HADHA: variants seen among roughly 807,000 people sequenced by gnomAD.
The protein encoded by HADHA is trifunctional enzyme subunit alpha, mitochondrial.
A neutral mutation model predicts 91.3 loss-of-function variants in HADHA; 59 were observed. The observed-to-expected ratio is 0.65, with a 90% CI of 0.52 to 0.80. HADHA has a LOEUF of 0.80. HADHA is among the 30% of genes least tolerant of loss of function. HADHA has a pLI of 0.00. For synonymous variants in HADHA, 320 were observed against 338.9 expected (o/e 0.94, Z 0.61); for missense variants, 800 against 927.6 (o/e 0.86, Z 1.79).
Position 26,237,113 on chromosome 2 carries a change from G to A in HADHA, c.181-125C>T. Reference sequence around the variant, plus strand: ...CCGGCAGAAATATACTGTTAGAAGAGAGTAAGAAATATCATTCTCCCAGCA... The same window carrying A: ...CCGGCAGAAATATACTGTTAGAAGAAAGTAAGAAATATCATTCTCCCAGCA... On this transcript the variant is annotated intron_variant, in intron 3 of 19. Coordinates refer to ENST00000380649, the MANE Select transcript of HADHA (RefSeq NM_000182.5). 3.8e-6 allele frequency: 3 copies of A among 797,006 alleles called. No homozygotes were observed. The South Asian group carries it at 4.1e-5, about 11-fold the overall frequency. The allele number at this position is 797,006 out of a possible 1,614,324, so 49.4% of individuals were successfully genotyped here.
chr2:26,204,438 C>G (rs1263855157), intron 11 of HADHA, among the ~76,000 whole-genome samples: 1 of 152,206 alleles, frequency 6.6e-6, no homozygotes, highest in Non-Finnish European at 1.5e-5. Context: ...TACTAATCTT[C>G]AATCATGCTT....
intron 7 of HADHA, among the ~76,000 whole-genome samples, chr2:26,219,689 C>A (rs1670328358): frequency 6.6e-6 from 1 of 152,166 alleles, no homozygotes; most frequent in South Asian, 2.1e-4. Context: ...AGTAGCAGCA[C>A]CATGCCAAAT....
Position 26,230,224 on chromosome 2 carries a change from AT to A in HADHA, c.643del (p.Met215TrpfsTer15). ...RSIRADRAKK[M>X]GLVDQLVEPL... ...TTCCACCAGTTGGTCAACCAGTCCC[AT>A]TTTCTTTGCCCTGTCTGCACGAATG... On this transcript the variant is annotated frameshift_variant, in exon 7 of 20. Coordinates refer to ENST00000380649, the MANE Select transcript of HADHA (RefSeq NM_000182.5). LOFTEE classifies it high-confidence loss of function. 6.2e-7 allele frequency: 1 copy of A among 1,613,136 alleles called. No homozygotes were observed. Among genetic ancestry groups the A allele is most frequent in the Non-Finnish European group, 8.5e-7 (1 of 1,179,158 alleles).
Position 26,214,380 on chromosome 2 carries a change from G to A in HADHA, c.918+63C>T. 3.6e-6 allele frequency: 3 copies of A among 832,826 alleles called. No homozygotes were observed. Among genetic ancestry groups the A allele is most frequent in the Non-Finnish European group, 6.4e-6 (3 of 467,752 alleles). 51.6% of individuals were successfully genotyped at this position (832,826 alleles called of 1,614,324 possible). A position where few individuals can be genotyped will look rare whatever the true frequency, so the allele number is the denominator to read the frequency against. On this transcript the variant is annotated intron_variant, in intron 9 of 19. Transcript: ENST00000380649. This position sits in a 1 kb window ranked among gnomAD's most constrained non-coding sequence, Gnocchi z 4.1. ...CATACATGGTCCAGAATGGCAATAA[G>A]GAGGAGTGATCTATATAAAGGAAGG...
chr2:26,232,603 G>A (rs1382021883), intron 5 of HADHA, among the ~76,000 whole-genome samples: 9 of 152,114 alleles, frequency 5.9e-5, no homozygotes, highest in Non-Finnish European at 1.2e-4. Flanking sequence ...AATCAAGCAC[G>A]TCTACTTACA....
At chr2:26,216,337 T>TC (rs1670219565) in intron 7 of HADHA, among the ~76,000 whole-genome samples, 1 of 149,874 alleles carries the variant, frequency 6.7e-6, no homozygotes, top group Non-Finnish European at 1.5e-5. Context: ...TTTTTTTTTT[T>TC]TGAGATGGAG....
chr2:26,224,155 TC>T (rs1237477379), intron 7 of HADHA, among the ~76,000 whole-genome samples: 1 of 152,226 alleles, frequency 6.6e-6, no homozygotes, highest in East Asian at 1.9e-4. Context: ...CAGTGAGATG[TC>T]CCCCACTTGT....
In HADHA at chr2:26,192,219, T is replaced by TA. The variant is rs34898931; in HGVS notation, c.2000+90dup. On this transcript the variant is annotated intron_variant, in intron 18 of 19. Transcript: ENST00000380649. Reference sequence around the variant, plus strand: ...ACATGTATCCCAGGACTTAAAGTATTAAAAAAAAAAAAAAATGGAAGAGGG... The same window carrying TA: ...ACATGTATCCCAGGACTTAAAGTATTAAAAAAAAAAAAAAAATGGAAGAGGG... 0.061 allele frequency: 39,074 copies of TA among 637,152 alleles called. 395 individuals carry two copies. Among genetic ancestry groups the TA allele is most frequent in the African/African-American group, 0.15 (7,651 of 50,546 alleles). 39.5% of individuals were successfully genotyped at this position (637,152 alleles called of 1,614,324 possible).
At chr2:26,232,319 T>A in intron 5 of HADHA, 40 bp from the exon 6 acceptor site, 1 of 1,504,098 alleles carries the variant, frequency 6.6e-7, no homozygotes, top group Non-Finnish European at 9.3e-7. Context: ...TTAGAAAATG[T>A]AACTTAGTAG....
intron 11 of HADHA, among the ~76,000 whole-genome samples, chr2:26,207,287 T>G (rs1207290884): frequency 6.6e-6 from 1 of 150,448 alleles, no homozygotes; most frequent in East Asian, 1.9e-4. Context: ...ATAATTTTTT[T>G]GAAAGGAGAA....
rs1669482954 is a variant in HADHA at position 26,191,125 on chromosome 2, G to C, written c.*125C>G. The C allele has an allele frequency of 8.4e-6, 8 of 949,842 alleles. No homozygotes were observed. The South Asian group carries it at 1.1e-4, about 13-fold the overall frequency. The allele number at this position is 949,842 out of a possible 1,614,324, so 58.8% of individuals were successfully genotyped here. A position where few individuals can be genotyped will look rare whatever the true frequency, so the allele number is the denominator to read the frequency against. On this transcript the variant is annotated 3_prime_UTR_variant, in exon 20 of 20. Coordinates refer to ENST00000380649, the MANE Select transcript of HADHA (RefSeq NM_000182.5). ...CTTGGCTGAAGGCACTTTAATCAGG[G>C]AGCAAACCCAGTGCCGGAGTTTGTC...
chr2:26,206,730 A>G (rs2147764493), intron 11 of HADHA, among the ~76,000 whole-genome samples: 1 of 152,344 alleles, frequency 6.6e-6, no homozygotes, highest in African/African-American at 2.4e-5. Context: ...TGTGATGAAC[A>G]GCTATATAAT....
Position 26,193,442 on chromosome 2 carries a change from T to G in HADHA, c.1885+135A>C, listed in dbSNP as rs941917955. On this transcript the variant is annotated intron_variant, in intron 17 of 19. Transcript: ENST00000380649. The stretch of plus-strand genomic sequence containing the variant: ...CCGCACCTGACTCATAAAATCATTT[T>G]TGAAATCGCCAGTGATAAGGGCTCT... The G allele has an allele frequency of 4.9e-6, 4 of 821,030 alleles. No homozygotes were observed. In the East Asian group the frequency reaches 9.7e-5, roughly 20 times the overall value. 50.9% of individuals were successfully genotyped at this position (821,030 alleles called of 1,614,324 possible). A position where few individuals can be genotyped will look rare whatever the true frequency, so the allele number is the denominator to read the frequency against.
intron 14 of HADHA, among the ~76,000 whole-genome samples, chr2:26,196,667 A>C (rs1263611673): frequency 6.6e-6 from 1 of 152,162 alleles, no homozygotes; most frequent in Non-Finnish European, 1.5e-5. Context: ...TAAATGAATG[A>C]CAAAAGGCAA....
chr2:26,192,859 T>C (rs528222120), intron 17 of HADHA, among the ~76,000 whole-genome samples: 30 of 152,182 alleles, frequency 2.0e-4, no homozygotes, highest in Non-Finnish European at 4.0e-4. Flanking sequence ...CCTAGCAAAT[T>C]AGTCTTTGTC....
intron 11 of HADHA, among the ~76,000 whole-genome samples, chr2:26,204,642 G>A (rs1216493076): frequency 1.3e-5 from 2 of 152,102 alleles, no homozygotes; most frequent in Admixed American, 1.3e-4. Context: ...GAGTGCAGTG[G>A]TGCAATCCTA....
At chr2:26,226,783 A>T (rs1162480266) in intron 7 of HADHA, among the ~76,000 whole-genome samples, 2 of 152,198 alleles carry the variant, frequency 1.3e-5, no homozygotes, top group Non-Finnish European at 2.9e-5. Context: ...TAGATCCCAC[A>T]CTAATAGCAT....
At chr2:26,194,160 C>T (rs1279832017) in intron 16 of HADHA, among the ~76,000 whole-genome samples, 4 of 152,172 alleles carry the variant, frequency 2.6e-5, no homozygotes, top group Non-Finnish European at 4.4e-5. Flanking sequence ...AAGTGCCCAG[C>T]GAGGAGGATC....
Position 26,197,801 on chromosome 2 carries a change from A to G in HADHA, c.1393-24T>C, listed in dbSNP as rs77141401. 916 of 1,157,108 alleles carry G rather than the reference A, an allele frequency of 7.9e-4. 5 individuals carry two copies. In the African/African-American group the frequency reaches 0.012, roughly 15 times the overall value. 71.7% of individuals were successfully genotyped at this position (1,157,108 alleles called of 1,614,324 possible). A position where few individuals can be genotyped will look rare whatever the true frequency, so the allele number is the denominator to read the frequency against. On this transcript the variant is annotated intron_variant, in intron 13 of 19. Coordinates refer to ENST00000380649, the MANE Select transcript of HADHA (RefSeq NM_000182.5). ...ACCTGCAGGGGAAAAGCATTTAACAATGTGTCAGGTAGGCCTGGGAGATGA... is the reference window on the plus strand; with the variant it reads ...ACCTGCAGGGGAAAAGCATTTAACAGTGTGTCAGGTAGGCCTGGGAGATGA...
Sources: gnomAD v4.1 joint callset for allele counts (sites outside exome capture counted in the v4.1 genomes callset) on GRCh38, gnomAD v4.1.1 for gene constraint, Gnocchi (gnomAD v3.1) non-coding constraint, MANE v1.5 for transcripts, NCBI Gene and HGNC (gene_info 2026-07-23, HGNC 2026-07-21) for gene names.